The following CALCOCO2 variants were observed in gnomAD, a reference collection of about 807,000 sequenced individuals.
CALCOCO2 encodes the protein calcium binding and coiled-coil domain 2.
Under a neutral mutation model 62.5 loss-of-function variants are expected in CALCOCO2, and 42 were observed. The ratio of observed to expected loss-of-function variants is 0.67; its 90% CI spans 0.53 to 0.87. CALCOCO2 has a LOEUF of 0.87. Among genes scored for constraint, CALCOCO2 ranks in the 40% least tolerant of loss-of-function variants. CALCOCO2 has a pLI of 0.00. For synonymous variants in CALCOCO2, 167 were observed against 173.0 expected (o/e 0.97, Z 0.27); for missense variants, 456 against 515.0 (o/e 0.89, Z 1.11).
intron 2 of CALCOCO2, among the ~76,000 whole-genome samples, chr17:48,844,947 C>T (rs367704764): frequency 2.6e-5 from 4 of 152,090 alleles, no homozygotes; most frequent in African/African-American, 9.7e-5. Context: ...ACCAGCCTGG[C>T]GAACATGGTG....
At chr17:48,861,841 A>T (rs1489928077) in intron 11 of CALCOCO2, among the ~76,000 whole-genome samples, 1 of 151,536 alleles carries the variant, frequency 6.6e-6, no homozygotes, top group Admixed American at 6.6e-5. Flanking sequence ...TGAGGTCAGG[A>T]GTTTGAGACC....
Position 48,849,418 on chromosome 17 carries a change from C to A in CALCOCO2, c.543+41C>A, listed in dbSNP as rs144451319. ...ATAGGTGACCTTGGAGCATGGAGATCAGAATTGGATGGTGCCTCTTATCCA... is the reference window on the plus strand; with the variant it reads ...ATAGGTGACCTTGGAGCATGGAGATAAGAATTGGATGGTGCCTCTTATCCA... On this transcript the variant is annotated intron_variant, in intron 5 of 12. Coordinates refer to ENST00000258947, the MANE Select transcript of CALCOCO2 (RefSeq NM_005831.5). 5 of 1,584,094 alleles carry A rather than the reference C, an allele frequency of 3.2e-6. No individual in the cohort carries two copies. In the South Asian group the frequency reaches 5.6e-5, roughly 18 times the overall value.
chr17:48,856,280 G>A, intron 10 of CALCOCO2, 93 bp downstream of exon 10: 1 of 649,528 alleles, frequency 1.5e-6, no homozygotes, highest in Non-Finnish European at 2.7e-6. Context: ...AAAAGTTAAG[G>A]GCCCTTTCTG....
Position 48,862,919 on chromosome 17 carries a change from T to A in CALCOCO2, c.1255T>A (p.Cys419Ser). 1.2e-6 allele frequency: 2 copies of A among 1,613,916 alleles called. No individual in the cohort carries two copies. Among genetic ancestry groups the A allele is most frequent in the Non-Finnish European group, 1.7e-6 (2 of 1,179,742 alleles). ...GGAGCAACAGCAGATGCAGCCCCTT[T>A]GTTTCAATTGTCCAATTTGTGACAA... Reference protein sequence around the residue: ...TLEQQQMQPLCFNCPICDKIF... With the variant: ...TLEQQQMQPLSFNCPICDKIF... The change falls in exon 13 of 13, where the codon TGT (cysteine) becomes AGT (serine). Residue 419 changes from cysteine to serine, a missense_variant. By Grantham distance (112) the Cys-to-Ser change is moderately radical (BLOSUM62 -1). Coordinates refer to ENST00000258947, the MANE Select transcript of CALCOCO2 (RefSeq NM_005831.5).
rs905279021 is a variant in CALCOCO2 at position 48,864,851 on chromosome 17, A to G, written c.*1846A>G. 2 of 152,234 alleles carry G rather than the reference A, an allele frequency of 1.3e-5. No homozygotes were observed. Among genetic ancestry groups the G allele is most frequent in the African/African-American group, 4.8e-5 (2 of 41,468 alleles). The allele number at this position is 152,234 out of a possible 1,614,324, so 9.4% of individuals were successfully genotyped here. A position where few individuals can be genotyped will look rare whatever the true frequency, so the allele number is the denominator to read the frequency against. ...GAAATGTAATAGGGAGATGGTAATAAAGGAGTTTTTCTGGCACATACCCTC... is the reference window on the plus strand; with the variant it reads ...GAAATGTAATAGGGAGATGGTAATAGAGGAGTTTTTCTGGCACATACCCTC... On this transcript the variant is annotated 3_prime_UTR_variant, in exon 13 of 13. Transcript: ENST00000258947.
rs567420459 is a variant in CALCOCO2 at position 48,842,113 on chromosome 17, C to A, written c.180+226C>A. On this transcript the variant is annotated intron_variant, in intron 2 of 12. Coordinates refer to ENST00000258947, the MANE Select transcript of CALCOCO2 (RefSeq NM_005831.5). Reference sequence around the variant, plus strand: ...AAAATAAGATGGCAAATCATATAATCCTCAAATTTTGTTATGCTTTTTTTT... The same window carrying A: ...AAAATAAGATGGCAAATCATATAATACTCAAATTTTGTTATGCTTTTTTTT... 8.3e-4 allele frequency: 285 copies of A among 341,966 alleles called. 2 individuals are homozygous for A. The highest frequency in any genetic ancestry group is 1.1e-3 in the Non-Finnish European group (214 of 189,604). The allele number at this position is 341,966 out of a possible 1,614,324, so 21.2% of individuals were successfully genotyped here.
At position 48,863,066 on chromosome 17, in the gene CALCOCO2, A is replaced by G. The variant is rs974477900; in HGVS notation, c.*61A>G. 2 of 1,187,718 alleles carry G rather than the reference A, an allele frequency of 1.7e-6. No homozygotes were observed. The highest frequency in any genetic ancestry group is 1.7e-5 in the Admixed American group (1 of 59,084). The allele number at this position is 1,187,718 out of a possible 1,614,324, so 73.6% of individuals were successfully genotyped here. A position where few individuals can be genotyped will look rare whatever the true frequency, so the allele number is the denominator to read the frequency against. Reference sequence around the variant, plus strand: ...TAGAATAGAACCTATAGCTTCTACCATGAGTTATATGAGTCAAGATCCTGC... The same window carrying G: ...TAGAATAGAACCTATAGCTTCTACCGTGAGTTATATGAGTCAAGATCCTGC... On this transcript the variant is annotated 3_prime_UTR_variant, in exon 13 of 13. Coordinates refer to ENST00000258947, the MANE Select transcript of CALCOCO2 (RefSeq NM_005831.5).
intron 2 of CALCOCO2, chr17:48,842,164 T>TC: frequency 5.0e-6 from 1 of 198,200 alleles, no homozygotes; most frequent in Non-Finnish European, 1.0e-5. Context: ...CTTTTTTTTT[T>TC]TTTTTTTTTG....
intron 10 of CALCOCO2, 150 bp from the exon 11 acceptor site, chr17:48,860,164 C>A: frequency 1.7e-6 from 1 of 600,556 alleles, no homozygotes. Flanking sequence ...GCTGCCTTCT[C>A]TTCTGAAGAA....
In CALCOCO2 at chr17:48,843,093, A is replaced by G. The variant is rs1598029532; in HGVS notation, c.180+1206A>G. 4.6e-5 allele frequency among the ~76,000 whole-genome samples: 7 copies of G among 152,338 alleles called. No individual in the cohort carries two copies. In the South Asian group the frequency reaches 1.4e-3, roughly 32 times the overall value. On this transcript the variant is annotated intron_variant, in intron 2 of 12. Transcript: ENST00000258947. ...TTGACATCCTGTATCCAAAAAGTTT[A>G]TTCCTGAATAAGTGCGTCTGACTAC...
At chr17:48,858,046 AAATAGAATAGAATAGAATAGAATAG>A (rs1555573798) in intron 10 of CALCOCO2, among the ~76,000 whole-genome samples, 12 of 40,040 alleles carry the variant, frequency 3.0e-4, no homozygotes, top group South Asian at 9.6e-4. Context: ...ATAGAATAGA[AAATAGAATAGAATAGAATAGAATAG>A]AATTTTACCA....
chr17:48,846,532 CCCTGTTCCA>C (rs1325794464), intron 2 of CALCOCO2: 1 of 1,238,042 alleles, frequency 8.1e-7, no homozygotes, highest in East Asian at 2.5e-5. Flanking sequence ...GAAGTTGTTT[CCCTGTTCCA>C]AGGCAGCAAT....
At chr17:48,833,841 G>A (rs1277296083) in intron 1 of CALCOCO2, among the ~76,000 whole-genome samples, 1 of 152,024 alleles carries the variant, frequency 6.6e-6, no homozygotes, top group Non-Finnish European at 1.5e-5. Context: ...AGAAAGAGCA[G>A]AAGTAGGCTG....
intron 9 of CALCOCO2, among the ~76,000 whole-genome samples, chr17:48,854,988 G>A (rs56101329): frequency 0.013 from 1,929 of 152,188 alleles, 43 homozygotes; most frequent in South Asian, 0.096. Context: ...AACTCGGGGC[G>A]GCTGCACTGG....
intron 10 of CALCOCO2, among the ~76,000 whole-genome samples, chr17:48,858,583 GCCTC>G (rs2040277727): frequency 6.6e-6 from 1 of 151,990 alleles, no homozygotes; most frequent in African/African-American, 2.4e-5. Flanking sequence ...GCCCACCTCA[GCCTC>G]CCAAAGTGAT....
At chr17:48,861,677 A>ATATATATAT (rs1555574331) in intron 11 of CALCOCO2, among the ~76,000 whole-genome samples, 1 of 117,480 alleles carries the variant, frequency 8.5e-6, no homozygotes, top group African/African-American at 4.1e-5. Context: ...ATATATATAT[A>ATATATATAT]AAGCCTGTGT....
chr17:48,841,985 T>C, intron 2 of CALCOCO2, 98 bp downstream of exon 2: 2 of 845,546 alleles, frequency 2.4e-6, no homozygotes, highest in Non-Finnish European at 3.6e-6. Flanking sequence ...TTTTGTATAA[T>C]ATGTGTTGGC....
At chr17:48,857,992 T>G (rs534807106) in intron 10 of CALCOCO2, among the ~76,000 whole-genome samples, 44 of 18,596 alleles carry the variant, frequency 2.4e-3, no homozygotes, top group South Asian at 8.9e-3. Flanking sequence ...TAGAATAGAA[T>G]AGAATAGAAT....
Position 48,849,244 on chromosome 17 carries a change from T to G in CALCOCO2, c.418-8T>G. Reference sequence around the variant, plus strand: ...TTGGAATATAGTTTATGGAATGTTCTTTTGTAGGGAGAGGTGGAAGAGATT... The same window carrying G: ...TTGGAATATAGTTTATGGAATGTTCGTTTGTAGGGAGAGGTGGAAGAGATT... On this transcript the variant is annotated splice_region_variant and splice_polypyrimidine_tract_variant and intron_variant, in intron 4 of 12. Coordinates refer to ENST00000258947, the MANE Select transcript of CALCOCO2 (RefSeq NM_005831.5). 1 of 1,613,504 alleles carries G rather than the reference T, an allele frequency of 6.2e-7. No individual in the cohort carries two copies. Among genetic ancestry groups the G allele is most frequent in the South Asian group, 1.1e-5 (1 of 91,058 alleles).
Sources: allele counts gnomAD v4.1 joint callset (sites outside exome capture counted in the v4.1 genomes callset), GRCh38; gene constraint gnomAD v4.1.1; transcripts MANE v1.5; gene names NCBI Gene and HGNC (gene_info 2026-07-23, HGNC 2026-07-21).